LYPLAL1: variants seen among roughly 807,000 people sequenced by gnomAD.
The protein encoded by LYPLAL1 is lysophospholipase like 1.
LYPLAL1 carries 23 observed loss-of-function variants against 19.7 expected under a neutral mutation model. The observed-to-expected ratio is 1.17, with a 90% CI of 0.84 to 1.65. The LOEUF is 1.65. Ranked by LOEUF, LYPLAL1 falls within the 40% of genes most tolerant of loss-of-function variation. LYPLAL1 has a pLI of 0.00. For synonymous variants in LYPLAL1, 119 were observed against 96.3 expected (o/e 1.24, Z -1.38); for missense variants, 355 against 279.4 (o/e 1.27, Z -1.93).
the LYPLAL1 span, among the ~76,000 whole-genome samples, chr1:219,372,916 A>G: frequency 6.6e-6 from 1 of 152,040 alleles, no homozygotes; most frequent in African/African-American, 2.4e-5. Flanking sequence ...AAAAAAAAAT[A>G]AATAAATTGT....
the LYPLAL1 span, among the ~76,000 whole-genome samples, chr1:219,404,235 CCAT>C: frequency 6.6e-6 from 1 of 152,162 alleles, no homozygotes; most frequent in African/African-American, 2.4e-5. Flanking sequence ...TCTCCAAATG[CCAT>C]CACATTAAGG....
chr1:219,326,540 G>C, the LYPLAL1 span, among the ~76,000 whole-genome samples: 2 of 152,080 alleles, frequency 1.3e-5, no homozygotes, highest in African/African-American at 4.8e-5. Context: ...ATTCCCTTCT[G>C]GGATTCTTGA....
At chr1:219,426,897 C>G in the LYPLAL1 span, among the ~76,000 whole-genome samples, 3 of 152,152 alleles carry the variant, frequency 2.0e-5, no homozygotes, top group Non-Finnish European at 4.4e-5. Context: ...CCACGCCAGC[C>G]CAGGTAGGTA....
the LYPLAL1 span, among the ~76,000 whole-genome samples, chr1:219,333,248 C>T: frequency 6.6e-6 from 1 of 152,062 alleles, no homozygotes; most frequent in Non-Finnish European, 1.5e-5. Flanking sequence ...TATAACACAA[C>T]AAAGTCCCAT....
chr1:219,198,995 A>G (rs1657845449), intron 3 of LYPLAL1, among the ~76,000 whole-genome samples: 1 of 152,334 alleles, frequency 6.6e-6, no homozygotes, highest in East Asian at 1.9e-4. Flanking sequence ...TGTGGCAACC[A>G]GAAGGTCTAT....
At chr1:219,394,035 C>G in the LYPLAL1 span, among the ~76,000 whole-genome samples, 1 of 151,740 alleles carries the variant, frequency 6.6e-6, no homozygotes, top group Non-Finnish European at 1.5e-5. Context: ...AAATTGCTTA[C>G]TTCCTACATT....
At chr1:219,313,337 A>G in the LYPLAL1 span, among the ~76,000 whole-genome samples, 1 of 152,140 alleles carries the variant, frequency 6.6e-6, no homozygotes, top group Non-Finnish European at 1.5e-5. Context: ...TATTTTTCTC[A>G]TGTGACAAAA....
the LYPLAL1 span, among the ~76,000 whole-genome samples, chr1:219,229,104 A>T: frequency 6.6e-6 from 1 of 151,992 alleles, no homozygotes; most frequent in Admixed American, 6.6e-5. Context: ...AATTTGCCTA[A>T]AGTCACCTGC....
At chr1:219,207,078 T>C (rs1016241371) in intron 3 of LYPLAL1, among the ~76,000 whole-genome samples, 3 of 152,036 alleles carry the variant, frequency 2.0e-5, no homozygotes, top group African/African-American at 7.2e-5. Context: ...ATAGAATTGG[T>C]TCCTTGGTCA....
At chr1:219,412,772 T>C in the LYPLAL1 span, among the ~76,000 whole-genome samples, 1 of 152,164 alleles carries the variant, frequency 6.6e-6, no homozygotes, top group Non-Finnish European at 1.5e-5. Flanking sequence ...GTAAGTCCAA[T>C]GTTACCGACA....
chr1:219,327,825 G>A, the LYPLAL1 span, among the ~76,000 whole-genome samples: 1 of 151,900 alleles, frequency 6.6e-6, no homozygotes, highest in Non-Finnish European at 1.5e-5. Context: ...TTCTCTCTTT[G>A]CCTGCCACCA....
chr1:219,316,336 A>G, the LYPLAL1 span, among the ~76,000 whole-genome samples: 8,577 of 152,152 alleles, frequency 0.056, 336 homozygotes, highest in South Asian at 0.094. Context: ...TATGCTGTTG[A>G]ATTTGGTTTG....
the LYPLAL1 span, among the ~76,000 whole-genome samples, chr1:219,354,201 C>CT: frequency 1.1e-4 from 16 of 151,952 alleles, no homozygotes; most frequent in South Asian, 2.1e-4. Flanking sequence ...AAAAGTTCCA[C>CT]TTTTTTTTAA....
the LYPLAL1 span, among the ~76,000 whole-genome samples, chr1:219,415,454 A>C: frequency 6.6e-6 from 1 of 152,230 alleles, no homozygotes; most frequent in African/African-American, 2.4e-5. Flanking sequence ...AAATATCATC[A>C]ATCACCATCA....
At chr1:219,236,222 G>C in the LYPLAL1 span, among the ~76,000 whole-genome samples, 3 of 152,198 alleles carry the variant, frequency 2.0e-5, no homozygotes, top group African/African-American at 7.2e-5. Context: ...TAGGAGTGTT[G>C]GATGTGAGAA....
At chr1:219,227,779 A>G in the LYPLAL1 span, among the ~76,000 whole-genome samples, 14 of 152,392 alleles carry the variant, frequency 9.2e-5, no homozygotes, top group Admixed American at 5.9e-4. Context: ...GGAGAACAGT[A>G]TATGTTTAAA....
At chr1:219,188,470 A>T (rs548892862) in intron 2 of LYPLAL1, among the ~76,000 whole-genome samples, 8 of 151,750 alleles carry the variant, frequency 5.3e-5, no homozygotes, top group Non-Finnish European at 7.4e-5. Flanking sequence ...AAAGCCACTC[A>T]ACTAATAATA....
At chr1:219,219,874 C>T in the LYPLAL1 span, among the ~76,000 whole-genome samples, 5 of 152,082 alleles carry the variant, frequency 3.3e-5, 1 homozygote, top group East Asian at 9.7e-4. Context: ...GTATGGCAGG[C>T]CTAGCAGTCA....
the LYPLAL1 span, among the ~76,000 whole-genome samples, chr1:219,419,590 C>G: frequency 0.082 from 4,980 of 60,948 alleles, 257 homozygotes; most frequent in African/African-American, 0.19. Flanking sequence ...CACACACACA[C>G]ACACAGAGAG....
Sources: allele counts gnomAD v4.1 joint callset (sites outside exome capture counted in the v4.1 genomes callset), GRCh38; gene constraint gnomAD v4.1.1; transcripts MANE v1.5; gene names NCBI Gene and HGNC (gene_info 2026-07-23, HGNC 2026-07-21).